GLRA2: variants seen among roughly 807,000 people sequenced by gnomAD.
The protein encoded by GLRA2 is glycine receptor subunit alpha-2.
Under a neutral mutation model 31.6 loss-of-function variants are expected in GLRA2, and 11 were observed. The observed-to-expected ratio is 0.35, with a 90% CI of 0.22 to 0.58. GLRA2 has a LOEUF of 0.58. Ranked by LOEUF, GLRA2 falls within the 20% of genes least tolerant of loss-of-function variation. The pLI, the probability that GLRA2 is intolerant of heterozygous loss-of-function variation, is 0.84. For missense variants in GLRA2, 212 were observed against 351.8 expected, an observed-to-expected ratio of 0.60 and a Z score of 3.18; for synonymous variants, 132 against 134.0, an observed-to-expected ratio of 0.99 and a Z score of 0.10.
At chrX:14,461,086 A>G in the GLRA2 span, among the ~76,000 whole-genome samples, 2 of 111,962 alleles carry the variant, frequency 1.8e-5, no homozygotes, top group South Asian at 3.7e-4. Context: ...TTCAAAGAAT[A>G]TATTTATTTC....
chrX:14,556,819 A>T (rs111710120), intron 2 of GLRA2, among the ~76,000 whole-genome samples: 43 of 112,025 alleles, frequency 3.8e-4, no homozygotes, highest in African/African-American at 1.3e-3. Flanking sequence ...CTCAAGAGCT[A>T]TTCAGCAAAT....
the GLRA2 span, among the ~76,000 whole-genome samples, chrX:14,522,136 C>T: frequency 3.6e-5 from 4 of 112,314 alleles, no homozygotes; most frequent in African/African-American, 1.3e-4. Context: ...CCTCTCAAAC[C>T]CTGCTGCTGC....
chrX:14,600,434 A>G (rs2090256026), intron 4 of GLRA2, among the ~76,000 whole-genome samples: 1 of 111,512 alleles, frequency 9.0e-6, no homozygotes, highest in Non-Finnish European at 1.9e-5. Flanking sequence ...TTTCAAAACT[A>G]TAATGAAATT....
the GLRA2 span, among the ~76,000 whole-genome samples, chrX:14,454,192 A>ACACC: frequency 1.6e-4 from 8 of 48,753 alleles, no homozygotes; most frequent in East Asian, 8.8e-3. Context: ...ACACACCCAC[A>ACACC]CACACACACA....
At chrX:14,670,622 T>A (rs73199687) in intron 7 of GLRA2, among the ~76,000 whole-genome samples, 30,349 of 109,789 alleles carry the variant, frequency 0.28, 3,350 homozygotes, top group Non-Finnish European at 0.35. Context: ...AACCACCAGA[T>A]CTCGCGAGAC....
the GLRA2 span, among the ~76,000 whole-genome samples, chrX:14,523,403 G>A: frequency 1.8e-5 from 2 of 111,975 alleles, no homozygotes; most frequent in Admixed American, 9.5e-5. Context: ...CAGCGATAAC[G>A]CAGTTTCACT....
chrX:14,585,704 A>G (rs191969536), intron 4 of GLRA2, among the ~76,000 whole-genome samples: 39 of 111,950 alleles, frequency 3.5e-4, no homozygotes, highest in Admixed American at 3.3e-3. Context: ...AACTCTAAAG[A>G]GCTGATATAA....
At chrX:14,562,592 G>T (rs990746429) in intron 2 of GLRA2, among the ~76,000 whole-genome samples, 1 of 112,190 alleles carries the variant, frequency 8.9e-6, no homozygotes, top group African/African-American at 3.2e-5. Context: ...CTTTCTCACA[G>T]TTCTGAAGGC....
chrX:14,482,076 T>G, the GLRA2 span, among the ~76,000 whole-genome samples: 63 of 112,350 alleles, frequency 5.6e-4, no homozygotes, highest in African/African-American at 2.0e-3. Context: ...CTAATTGGTG[T>G]TTTAAAATCT....
chrX:14,659,770 T>C (rs767788502), intron 7 of GLRA2, among the ~76,000 whole-genome samples: 12 of 112,177 alleles, frequency 1.1e-4, no homozygotes, highest in Admixed American at 5.7e-4. Flanking sequence ...CTCTGGATTC[T>C]AGCTACTCAC....
intron 2 of GLRA2, among the ~76,000 whole-genome samples, chrX:14,551,359 A>T (rs751571192): frequency 8.9e-6 from 1 of 112,228 alleles, no homozygotes; most frequent in Admixed American, 9.4e-5. Context: ...ATTTGAGCAC[A>T]TTAATAATCC....
chrX:14,709,765 T>TTAC (rs758656179), intron 8 of GLRA2, among the ~76,000 whole-genome samples: 24 of 111,881 alleles, frequency 2.1e-4, no homozygotes, highest in African/African-American at 5.5e-4. Context: ...TACCCCCTCC[T>TTAC]TACTCTGCTG....
chrX:14,462,222 T>TA, the GLRA2 span, among the ~76,000 whole-genome samples: 5 of 112,085 alleles, frequency 4.5e-5, no homozygotes, highest in South Asian at 1.9e-3. Flanking sequence ...GATCAGCTAT[T>TA]AGTCTGATGG....
intron 7 of GLRA2, among the ~76,000 whole-genome samples, chrX:14,640,497 A>G (rs992451924): frequency 1.8e-5 from 2 of 111,885 alleles, no homozygotes; most frequent in Non-Finnish European, 3.8e-5. Context: ...GTACATTAAA[A>G]TGCCATAAAA....
the GLRA2 span, among the ~76,000 whole-genome samples, chrX:14,471,177 CT>C: frequency 2.0e-4 from 22 of 111,629 alleles, no homozygotes; most frequent in Non-Finnish European, 3.4e-4. Flanking sequence ...CACTTAATTA[CT>C]TTTTTTGATT....
intron 7 of GLRA2, among the ~76,000 whole-genome samples, chrX:14,679,427 TA>T (rs373479993): frequency 1.7e-4 from 17 of 102,592 alleles, no homozygotes; most frequent in Admixed American, 2.1e-4. Flanking sequence ...TGATGATTGT[TA>T]AAAAAAAAAA....
At chrX:14,666,526 C>T (rs745633156) in intron 7 of GLRA2, among the ~76,000 whole-genome samples, 2 of 111,730 alleles carry the variant, frequency 1.8e-5, no homozygotes, top group East Asian at 2.8e-4. Flanking sequence ...ATGACTCCCA[C>T]GTTTAACTTT....
chrX:14,550,892 C>T (rs1055454398), intron 2 of GLRA2, among the ~76,000 whole-genome samples: 18 of 111,790 alleles, frequency 1.6e-4, no homozygotes, highest in African/African-American at 5.8e-4. Context: ...ACTTCTTAGC[C>T]AGTGCTTTAT....
chrX:14,584,356 A>C (rs1349787659), intron 4 of GLRA2, among the ~76,000 whole-genome samples: 1 of 111,856 alleles, frequency 8.9e-6, no homozygotes, highest in Non-Finnish European at 1.9e-5. Flanking sequence ...AAGTATTGGC[A>C]TTTAAAGGTC....
Sources: allele counts gnomAD v4.1 joint callset (sites outside exome capture counted in the v4.1 genomes callset), GRCh38; gene constraint gnomAD v4.1.1; transcripts MANE v1.5; gene names NCBI Gene and HGNC (gene_info 2026-07-23, HGNC 2026-07-21).